ZBTB16: variants seen among roughly 807,000 people sequenced by gnomAD.
ZBTB16 encodes the protein zinc finger and BTB domain containing 16.
Under a neutral mutation model 56.8 loss-of-function variants are expected in ZBTB16, and 8 were observed. That is an observed-to-expected ratio of 0.14 (90% confidence interval 0.08 to 0.25). ZBTB16 has a LOEUF of 0.25. ZBTB16 is among the 10% of genes least tolerant of loss of function. ZBTB16 has a pLI of 1.00. For synonymous variants in ZBTB16, 363 were observed against 368.5 expected (o/e 0.98, Z 0.17); for missense variants, 625 against 903.0 (o/e 0.69, Z 3.95).
intron 6 of ZBTB16, among the ~76,000 whole-genome samples, chr11:114,248,749 GGT>G (rs1456283290): frequency 6.6e-6 from 1 of 152,168 alleles, no homozygotes; most frequent in East Asian, 1.9e-4. Context: ...GAGAGGGTTG[GGT>G]GTCCGTTGAT....
intron 2 of ZBTB16, among the ~76,000 whole-genome samples, chr11:114,078,277 T>A (rs551910903): frequency 1.3e-5 from 2 of 152,326 alleles, no homozygotes; most frequent in African/African-American, 4.8e-5. Flanking sequence ...GGAGGTTATC[T>A]TTGCTTTTTA....
At chr11:114,218,165 T>G (rs1944150223) in intron 4 of ZBTB16, among the ~76,000 whole-genome samples, 1 of 152,240 alleles carries the variant, frequency 6.6e-6, no homozygotes, top group Non-Finnish European at 1.5e-5. Context: ...TGGAAATTTC[T>G]CAGAGAAGGA....
intron 4 of ZBTB16, among the ~76,000 whole-genome samples, chr11:114,238,852 C>G (rs771943505): frequency 1.3e-5 from 2 of 152,182 alleles, no homozygotes; most frequent in Non-Finnish European, 2.9e-5. Context: ...GTCCCAACTT[C>G]TTGTCCTTTG....
At chr11:114,141,668 A>G (rs986010706) in intron 2 of ZBTB16, among the ~76,000 whole-genome samples, 1 of 152,192 alleles carries the variant, frequency 6.6e-6, no homozygotes, top group Non-Finnish European at 1.5e-5. Context: ...CAAGTTGTAG[A>G]TCTGGAATTG....
chr11:114,186,914 C>T (rs1323315932), intron 3 of ZBTB16, 38 bp from the exon 4 acceptor site: 2 of 1,600,166 alleles, frequency 1.2e-6, no homozygotes, highest in South Asian at 1.1e-5. Context: ...CACCAGTGGA[C>T]TATTGCTCTA....
chr11:114,231,237 A>T (rs1182230128), intron 4 of ZBTB16, among the ~76,000 whole-genome samples: 1 of 152,184 alleles, frequency 6.6e-6, no homozygotes, highest in Non-Finnish European at 1.5e-5. Context: ...ACACAGCCAG[A>T]ATGTAAATGC....
chr11:114,248,000 C>T (rs985025356), intron 6 of ZBTB16, among the ~76,000 whole-genome samples: 1 of 151,902 alleles, frequency 6.6e-6, no homozygotes, highest in African/African-American at 2.4e-5. Flanking sequence ...TGGGTTCAAG[C>T]GATTCTCCTG....
At chr11:114,155,677 G>T (rs2134955511) in intron 2 of ZBTB16, among the ~76,000 whole-genome samples, 1 of 152,328 alleles carries the variant, frequency 6.6e-6, no homozygotes, top group Non-Finnish European at 1.5e-5. Context: ...TTGAAACTCT[G>T]CTTTCTGTTG....
intron 4 of ZBTB16, chr11:114,209,780 G>C: frequency 1.0e-6 from 1 of 985,416 alleles, no homozygotes; most frequent in Non-Finnish European, 1.2e-6. Context: ...CACAGCCCAG[G>C]GATAAGCTTT....
At chr11:114,120,094 G>T (rs1941299473) in intron 2 of ZBTB16, among the ~76,000 whole-genome samples, 1 of 152,218 alleles carries the variant, frequency 6.6e-6, no homozygotes, top group Non-Finnish European at 1.5e-5. Context: ...GAATGAGCCA[G>T]GTGGCCTCTT....
At position 114,064,314 on chromosome 11, in the gene ZBTB16, C is replaced by T. The variant is rs758846158; in HGVS notation, c.1014C>T (p.Pro338=). Residue 338 remains proline (P), a synonymous_variant, in exon 2 of 7, where the codon CCC becomes CCT. Coordinates refer to ENST00000335953, the MANE Select transcript of ZBTB16 (RefSeq NM_006006.6). The surrounding 1 kb of genome is among the most constrained non-coding windows in gnomAD (Gnocchi z 4.2). ...EKHLGIYSVL[P]NHKADAVLSM... ...ATCTGGGCATCTACTCCGTGTTGCC[C>T]AACCACAAGGCTGACGCTGTATTGA... 1 of 1,614,120 alleles carries T rather than the reference C, an allele frequency of 6.2e-7. No homozygotes were observed. The highest frequency in any genetic ancestry group is 1.1e-5 in the South Asian group (1 of 91,088).
intron 2 of ZBTB16, among the ~76,000 whole-genome samples, chr11:114,152,284 A>G (rs1361936462): frequency 1.3e-5 from 2 of 152,170 alleles, no homozygotes; most frequent in Non-Finnish European, 2.9e-5. Flanking sequence ...AATCTTTATG[A>G]GTTTGCAGAC....
Position 114,250,857 on chromosome 11 carries a change from C to T in ZBTB16, c.*302C>T, listed in dbSNP as rs939605627. ...GGCACATTTTTCTCCTTCCTTCACC[C>T]AGACCTTCTTTTATGTGTCCAGAAA... On this transcript the variant is annotated 3_prime_UTR_variant, in exon 7 of 7. Coordinates refer to ENST00000335953, the MANE Select transcript of ZBTB16 (RefSeq NM_006006.6). This position sits in a 1 kb window ranked among gnomAD's most constrained non-coding sequence, Gnocchi z 6.0. 1.3e-5 allele frequency among the ~76,000 whole-genome samples: 2 copies of T among 152,108 alleles called. No individual in the cohort carries two copies. Among genetic ancestry groups the T allele is most frequent in the Non-Finnish European group, 2.9e-5 (2 of 68,022 alleles).
chr11:114,138,713 CAG>C (rs1565645771), intron 2 of ZBTB16, among the ~76,000 whole-genome samples: 1 of 151,608 alleles, frequency 6.6e-6, no homozygotes, highest in Non-Finnish European at 1.5e-5. Context: ...TTATTTGACA[CAG>C]AGTCTTGCTC....
Position 114,253,603 on chromosome 11 carries a change from G to A in ZBTB16, c.*3048G>A, listed in dbSNP as rs1189802188. Among the ~76,000 whole-genome samples, 3 of 152,230 alleles carry A rather than the reference G, an allele frequency of 2.0e-5. No individual in the cohort carries two copies. Among genetic ancestry groups the A allele is most frequent in the Admixed American group, 6.5e-5 (1 of 15,290 alleles). On this transcript the variant is annotated 3_prime_UTR_variant, in exon 7 of 7. Transcript: ENST00000335953. ...CGTGGGCCCTGCAGACCCCAGTAGG[G>A]AGGTATGGGGAGAGCTCAGGGGAGT...
In ZBTB16 at chr11:114,118,304, G is replaced by A. The variant is rs538899101; in HGVS notation, c.1269-38033G>A. Among the ~76,000 whole-genome samples the A allele has an allele frequency of 1.2e-4, 19 of 152,190 alleles. No homozygotes were observed. The East Asian group carries it at 3.7e-3, about 29-fold the overall frequency. ...TTATTCTCCTGCCTCAGCCTCCCAA[G>A]TAGCTGGGACTATAGGCACCTGACA... On this transcript the variant is annotated intron_variant, in intron 2 of 6. Coordinates refer to ENST00000335953, the MANE Select transcript of ZBTB16 (RefSeq NM_006006.6).
At chr11:114,161,393 T>C (rs1942585959) in intron 3 of ZBTB16, among the ~76,000 whole-genome samples, 1 of 152,218 alleles carries the variant, frequency 6.6e-6, no homozygotes, top group South Asian at 2.1e-4. Context: ...TCAGGCTCTG[T>C]GCACTTAACA....
At chr11:114,098,970 T>TAA (rs1358978181) in intron 2 of ZBTB16, among the ~76,000 whole-genome samples, 1 of 152,194 alleles carries the variant, frequency 6.6e-6, no homozygotes, top group Admixed American at 6.5e-5. Context: ...ACAGTAAATA[T>TAA]TTCGGACATC....
At chr11:114,220,349 G>T (rs2135149449) in intron 4 of ZBTB16, among the ~76,000 whole-genome samples, 1 of 152,324 alleles carries the variant, frequency 6.6e-6, no homozygotes, top group Non-Finnish European at 1.5e-5. Flanking sequence ...TGGGGGATGT[G>T]TGTGTGCAAT....
Sources: allele counts gnomAD v4.1 joint callset (sites outside exome capture counted in the v4.1 genomes callset), GRCh38; gene constraint gnomAD v4.1.1; non-coding constraint Gnocchi (gnomAD v3.1); transcripts MANE v1.5; gene names NCBI Gene and HGNC (gene_info 2026-07-23, HGNC 2026-07-21).